BUD31: variants seen among roughly 807,000 people sequenced by gnomAD.
BUD31 encodes BUD31 spliceosome associated protein.
Under a neutral mutation model 17.9 loss-of-function variants are expected in BUD31, and 9 were observed. The ratio of observed to expected loss-of-function variants is 0.50; its 90% CI spans 0.30 to 0.88. The LOEUF (loss-of-function observed/expected upper bound fraction) is 0.88, where lower values mean the gene tolerates loss of function less well. Among genes scored for constraint, BUD31 ranks in the 40% least tolerant of loss-of-function variants. The pLI, the probability that BUD31 is intolerant of heterozygous loss-of-function variation, is 0.06. For synonymous variants in BUD31, 70 were observed against 64.7 expected, an observed-to-expected ratio of 1.08 and a Z score of -0.39; for missense variants, 148 against 184.5, an observed-to-expected ratio of 0.80 and a Z score of 1.15.
At position 99,416,191 on chromosome 7, in the gene BUD31, T is replaced by C; in HGVS notation, c.148T>C (p.Phe50Leu). The C allele has an allele frequency of 6.2e-7, 1 of 1,614,068 alleles. No individual in the cohort carries two copies. Among genetic ancestry groups the C allele is most frequent in the Non-Finnish European group, 8.5e-7 (1 of 1,179,948 alleles). ...GAAAGTGGAATCTCTGTGGCCCATCTTCAGGATCCACCACCAGAAAACCCG... is the reference window on the plus strand; with the variant it reads ...GAAAGTGGAATCTCTGTGGCCCATCCTCAGGATCCACCACCAGAAAACCCG... ...KRKVESLWPI[F>L]RIHHQKTRYI... Residue 50 changes from phenylalanine to leucine, a missense_variant, in exon 4 of 6, where the codon TTC becomes CTC. Phe to Leu is a conservative substitution (Grantham distance 22). Transcript: ENST00000222969.
At chr7:99,416,093 C>CA (rs758843065) in intron 3 of BUD31, 45 bp from the exon 4 acceptor site, 1 of 1,603,770 alleles carries the variant, frequency 6.2e-7, no homozygotes, top group East Asian at 2.2e-5. Flanking sequence ...AAATCCTGCG[C>CA]AGACCGACCC....
At chr7:99,417,367 G>T (rs1359268256) in intron 4 of BUD31, 62 bp from the exon 5 acceptor site, 8 of 1,566,634 alleles carry the variant, frequency 5.1e-6, no homozygotes, top group Non-Finnish European at 7.0e-6. Flanking sequence ...TGCTTTTTTT[G>T]ATCAAGGGTG....
intron 2 of BUD31, 113 bp downstream of exon 2, chr7:99,410,282 A>C (rs970349073): frequency 6.6e-6 from 1 of 152,096 alleles, no homozygotes. Context: ...AGTAGTGTGA[A>C]CATGGCTAAC....
chr7:99,416,281 G>C (rs769513535), intron 4 of BUD31, 21 bp downstream of exon 4: 1 of 1,604,774 alleles, frequency 6.2e-7, no homozygotes, highest in Non-Finnish European at 8.5e-7. Flanking sequence ...AGTCTCTCTT[G>C]GACTTTGAAG....
chr7:99,411,721 T>C (rs1040723023), intron 3 of BUD31: 3 of 455,918 alleles, frequency 6.6e-6, no homozygotes, highest in Admixed American at 2.4e-5. Flanking sequence ...TTTTTATTTT[T>C]TGAGTTGGAG....
At chr7:99,416,081 GAAA>G (rs899899829) in intron 3 of BUD31, 54 bp from the exon 4 acceptor site, 2 of 1,589,078 alleles carry the variant, frequency 1.3e-6, no homozygotes, top group Non-Finnish European at 1.7e-6. Flanking sequence ...CTTACAAAAA[GAAA>G]ATCCTGCGCA....
At position 99,409,027 on chromosome 7, in the gene BUD31, C is replaced by G. The variant is rs1271439576; in HGVS notation, c.-384C>G. 2.6e-5 allele frequency: 4 copies of G among 152,972 alleles called. No individual in the cohort carries two copies. The highest frequency in any genetic ancestry group is 9.6e-5 in the African/African-American group (4 of 41,482). 9.5% of individuals were successfully genotyped at this position (152,972 alleles called of 1,614,324 possible). The stretch of plus-strand genomic sequence containing the variant: ...CCGGTATGTGTTTTCCCTCTGTTCT[C>G]GATTACCTTGGCAACGGCTGAGGCG... On this transcript the variant is annotated 5_prime_UTR_variant, in exon 1 of 6. Transcript: ENST00000222969.
chr7:99,414,878 G>A (rs1432754631), intron 3 of BUD31, among the ~76,000 whole-genome samples: 1 of 152,202 alleles, frequency 6.6e-6, no homozygotes, highest in African/African-American at 2.4e-5. Flanking sequence ...GATTACAGGT[G>A]TGAGCCACCG....
At chr7:99,415,130 G>C (rs907226749) in intron 3 of BUD31, 4 of 443,658 alleles carry the variant, frequency 9.0e-6, no homozygotes, top group Non-Finnish European at 1.3e-5. Flanking sequence ...AAGACAAAGA[G>C]ATAAAAGACA....
At position 99,415,497 on chromosome 7, in the gene BUD31, G is replaced by A. The variant is rs1400266623; in HGVS notation, c.95-641G>A. On this transcript the variant is annotated intron_variant, in intron 3 of 5. Transcript: ENST00000222969. ...CACAGCATCACAGGGAGATAGTTAG[G>A]CCTCTGGATAACTGCGGGCGGGCCT... Among the ~76,000 whole-genome samples, 3 of 152,256 alleles carry A rather than the reference G, an allele frequency of 2.0e-5. No homozygotes were observed. The East Asian group carries it at 5.8e-4, about 29-fold the overall frequency.
At chr7:99,411,220 G>C in intron 3 of BUD31, 34 bp downstream of exon 3, 1 of 1,562,674 alleles carries the variant, frequency 6.4e-7, no homozygotes, top group Non-Finnish European at 8.8e-7. Context: ...GGTGGGCTGG[G>C]TCCAAGGGTC....
rs767938674 is a variant in BUD31, at chr7:99,411,122, A to C, written c.30A>C (p.Ala10=). The change falls in exon 3 of 6, where the codon GCA becomes GCC. Residue 10 remains alanine (A), a synonymous_variant. Coordinates refer to ENST00000222969, the MANE Select transcript of BUD31 (RefSeq NM_003910.4). ...CTAAAGTCAAAAGAAGCCGGAAAGC[A>C]CCCCCAGATGGCTGGGAGTTGATTG... MPKVKRSRK[A]PPDGWELIEP... 16 of 1,614,016 alleles carry C rather than the reference A, an allele frequency of 9.9e-6. No homozygotes were observed. In the South Asian group the frequency reaches 1.8e-4, roughly 18 times the overall value.
At position 99,411,081 on chromosome 7, in the gene BUD31, T is replaced by C. The variant is rs1158953635; in HGVS notation, c.-12T>C. 6.2e-7 allele frequency: 1 copy of C among 1,612,222 alleles called. No homozygotes were observed. The highest frequency in any genetic ancestry group is 1.1e-5 in the South Asian group (1 of 90,962). ...TCCCCCAGATCTTTGCAGATTATCC[T>C]GTGGAAGGAAAATGCCTAAAGTCAA... is the stretch of plus-strand genomic sequence containing the variant. On this transcript the variant is annotated 5_prime_UTR_variant, in exon 3 of 6. Transcript: ENST00000222969.
intron 1 of BUD31, 51 bp from the exon 2 acceptor site, chr7:99,409,983 G>A (rs1285091660): frequency 6.6e-6 from 1 of 152,112 alleles, no homozygotes; most frequent in African/African-American, 2.4e-5. Context: ...TATGTTGTTT[G>A]GTGTGAAAGA....
intron 4 of BUD31, 124 bp from the exon 5 acceptor site, chr7:99,417,305 G>A (rs560045901): frequency 2.8e-4 from 266 of 942,150 alleles, no homozygotes; most frequent in Non-Finnish European, 3.9e-4. Flanking sequence ...CGCCTGCCTC[G>A]GCCTCCCAAA....
At position 99,419,406 on chromosome 7, in the gene BUD31, T is replaced by C; in HGVS notation, c.400T>C (p.Cys134Arg). The C allele has an allele frequency of 6.2e-7, 1 of 1,613,110 alleles. No homozygotes were observed. The change falls in exon 6 of 6, where the codon TGC (cysteine) becomes CGC (arginine). Residue 134 changes from cysteine to arginine, a missense_variant. Transcript: ENST00000222969. The stretch of plus-strand genomic sequence containing the variant: ...TCCGTTGCAGGGCCGCATCATCGAG[T>C]GCACACACTGTGGCTGTCGTGGCTG... ...SKLEVGRIIE[C>R]THCGCRGCSG
chr7:99,416,200 C>G lies in BUD31; in HGVS notation c.157C>G (p.His53Asp). 6.2e-7 allele frequency: 1 copy of G among 1,614,022 alleles called. No individual in the cohort carries two copies. Among genetic ancestry groups the G allele is most frequent in the Non-Finnish European group, 8.5e-7 (1 of 1,179,944 alleles). ...VESLWPIFRI[H>D]HQKTRYIFDL... ...ATCTCTGTGGCCCATCTTCAGGATC[C>G]ACCACCAGAAAACCCGCTACATCTT... Residue 53 changes from histidine to aspartate, a missense_variant, in exon 4 of 6, where the codon CAC becomes GAC. His to Asp is a moderately conservative substitution (Grantham distance 81). Transcript: ENST00000222969.
At chr7:99,412,233 G>A (rs1377838189) in intron 3 of BUD31, among the ~76,000 whole-genome samples, 1 of 152,168 alleles carries the variant, frequency 6.6e-6, no homozygotes, top group Non-Finnish European at 1.5e-5. Flanking sequence ...GTCATTTTGG[G>A]CTGAGAGATG....
chr7:99,417,443 T>C lies in BUD31; in HGVS notation c.232T>C (p.Cys78Arg). Residue 78 changes from cysteine (C) to arginine (R), a missense_variant, in exon 5 of 6, where the codon TGT becomes CGT. Cys to Arg is a radical substitution (Grantham distance 180). Coordinates refer to ENST00000222969, the MANE Select transcript of BUD31 (RefSeq NM_003910.4). ...KAISRELYEY[C>R]IKEGYADKNL... ...CTTTTTGACAGAACTCTATGAATAT[T>C]GTATTAAAGAAGGCTATGCAGACAA... The C allele has an allele frequency of 1.9e-6, 3 of 1,613,934 alleles. No individual in the cohort carries two copies. Among genetic ancestry groups the C allele is most frequent in the Non-Finnish European group, 2.5e-6 (3 of 1,179,932 alleles).
Sources: allele counts gnomAD v4.1 joint callset (sites outside exome capture counted in the v4.1 genomes callset), GRCh38; gene constraint gnomAD v4.1.1; transcripts MANE v1.5; gene names NCBI Gene and HGNC (gene_info 2026-07-23, HGNC 2026-07-21).